PAAF1: variants seen among roughly 807,000 people sequenced by gnomAD.
The protein encoded by PAAF1 is proteasomal ATPase associated factor 1.
In PAAF1, 46 loss-of-function variants were observed where a neutral mutation model predicts 52.8. The observed-to-expected ratio is 0.87, with a 90% CI of 0.69 to 1.11. The LOEUF (loss-of-function observed/expected upper bound fraction) is 1.11, where lower values mean the gene tolerates loss of function less well. PAAF1 is among the 50% of genes most tolerant of loss of function. The pLI, the probability that PAAF1 is intolerant of heterozygous loss-of-function variation, is 0.00. For synonymous variants in PAAF1, 178 were observed against 172.8 expected (o/e 1.03, Z -0.24); for missense variants, 424 against 477.4 (o/e 0.89, Z 1.04).
intron 11 of PAAF1, among the ~76,000 whole-genome samples, chr11:73,926,258 C>T (rs1950353507): frequency 6.6e-6 from 1 of 152,186 alleles, no homozygotes; most frequent in African/African-American, 2.4e-5. Context: ...AGGCATGCGC[C>T]ACCACACCCG....
chr11:73,893,217 G>T (rs943168480), intron 4 of PAAF1, among the ~76,000 whole-genome samples: 1 of 152,182 alleles, frequency 6.6e-6, no homozygotes, highest in Non-Finnish European at 1.5e-5. Context: ...AAGTCATAGG[G>T]TGTGGGAATT....
intron 2 of PAAF1, among the ~76,000 whole-genome samples, chr11:73,884,803 C>A (rs547265598): frequency 2.0e-5 from 3 of 152,268 alleles, no homozygotes; most frequent in Non-Finnish European, 4.4e-5. Flanking sequence ...ACTGCTATTA[C>A]CAAACTGGTG....
At chr11:73,890,480 AC>A (rs1416900079) in intron 3 of PAAF1, among the ~76,000 whole-genome samples, 1 of 152,214 alleles carries the variant, frequency 6.6e-6, no homozygotes, top group African/African-American at 2.4e-5. Flanking sequence ...TAGCTGTGTT[AC>A]AACAACCAGT....
At chr11:73,898,195 A>C (rs1591074889) in intron 4 of PAAF1, among the ~76,000 whole-genome samples, 3 of 49,492 alleles carry the variant, frequency 6.1e-5, no homozygotes, top group East Asian at 1.2e-3. Flanking sequence ...GACCGTGGGG[A>C]GAGGGAGGGG....
intron 9 of PAAF1, 56 bp from the exon 10 acceptor site, chr11:73,918,894 G>A (rs1292218810): frequency 5.3e-6 from 7 of 1,330,012 alleles, no homozygotes; most frequent in Non-Finnish European, 5.4e-6. Flanking sequence ...GTTGAATATA[G>A]TCAAGTATTG....
chr11:73,889,049 G>A, intron 3 of PAAF1: 2 of 664,806 alleles, frequency 3.0e-6, no homozygotes, highest in Non-Finnish European at 5.3e-6. Context: ...AAGACAGACT[G>A]TATGCTGGAA....
chr11:73,879,119 C>A (rs3758930), intron 2 of PAAF1: 10,713 of 186,370 alleles, frequency 0.057, 334 homozygotes, highest in Middle Eastern at 0.1. Flanking sequence ...CTGGGACTTT[C>A]TTGATGATAA....
chr11:73,885,306 G>C (rs181621398), intron 2 of PAAF1, among the ~76,000 whole-genome samples: 3 of 151,436 alleles, frequency 2.0e-5, no homozygotes, highest in African/African-American at 2.4e-5. Flanking sequence ...ACCACACCTG[G>C]CTAATTTTTG....
At chr11:73,900,159 A>T in intron 5 of PAAF1, 111 bp from the exon 6 acceptor site, 6 of 1,157,654 alleles carry the variant, frequency 5.2e-6, no homozygotes, top group South Asian at 1.9e-5. Context: ...AAAACCCAGC[A>T]TGTGGGTTTA....
At chr11:73,916,800 G>C (rs1414389783) in intron 9 of PAAF1, 140 bp downstream of exon 9, 1 of 514,016 alleles carries the variant, frequency 1.9e-6, no homozygotes, top group African/African-American at 1.9e-5. Flanking sequence ...TTTCCAGTCT[G>C]AATTTTCTGA....
chr11:73,899,005 A>C lies in PAAF1; in HGVS notation c.283-141A>C, dbSNP rs533568855. On this transcript the variant is annotated intron_variant, in intron 4 of 11. Transcript: ENST00000310571. ...TTGGTGATGATAACTCAACCTTTACATCAAACACAAGTCCTTTTGTTGGGA... is the reference window on the plus strand; with the variant it reads ...TTGGTGATGATAACTCAACCTTTACCTCAAACACAAGTCCTTTTGTTGGGA... The C allele has an allele frequency of 9.8e-6, 6 of 611,682 alleles. No homozygotes were observed. In the East Asian group the frequency reaches 1.4e-4, roughly 15 times the overall value. The allele number at this position is 611,682 out of a possible 1,614,324, so 37.9% of individuals were successfully genotyped here. A position where few individuals can be genotyped will look rare whatever the true frequency, so the allele number is the denominator to read the frequency against.
chr11:73,893,106 C>T (rs1949242659), intron 4 of PAAF1, among the ~76,000 whole-genome samples: 1 of 152,052 alleles, frequency 6.6e-6, no homozygotes, highest in African/African-American at 2.4e-5. Flanking sequence ...TCAGGTGTTT[C>T]CAGTTTTGTG....
Position 73,914,406 on chromosome 11 carries a change from C to A in PAAF1, c.728-7C>A. On this transcript the variant is annotated splice_polypyrimidine_tract_variant and splice_region_variant and intron_variant, in intron 7 of 11. Coordinates refer to ENST00000310571, the MANE Select transcript of PAAF1 (RefSeq NM_025155.3). ...ACTGTTATTAACATAGTTTATTTGT[C>A]ATGCAGGTGAACGGGAGGTTGGAAC... 1 of 1,613,530 alleles carries A rather than the reference C, an allele frequency of 6.2e-7. No homozygotes were observed. Among genetic ancestry groups the A allele is most frequent in the South Asian group, 1.1e-5 (1 of 91,060 alleles).
At chr11:73,926,702 C>CT (rs1332911372) in intron 11 of PAAF1, among the ~76,000 whole-genome samples, 2 of 152,158 alleles carry the variant, frequency 1.3e-5, no homozygotes, top group Non-Finnish European at 2.9e-5. Context: ...GAGCAAGAGT[C>CT]TGTCTCAAAA....
Position 73,908,490 on chromosome 11 carries a change from G to A in PAAF1, c.533-909G>A, listed in dbSNP as rs192041383. ...AGCAATCATGGCTTACTGTAGCCTT[G>A]AACTCCAGGGCTCAAGCAATCCTCC... is the stretch of plus-strand genomic sequence containing the variant. On this transcript the variant is annotated intron_variant, in intron 6 of 11. Coordinates refer to ENST00000310571, the MANE Select transcript of PAAF1 (RefSeq NM_025155.3). 9.6e-3 allele frequency among the ~76,000 whole-genome samples: 1,442 copies of A among 150,896 alleles called. 22 individuals carry two copies. Among genetic ancestry groups the A allele is most frequent in the Middle Eastern group, 0.034 (10 of 290 alleles).
chr11:73,920,495 AT>A (rs1324396907), intron 10 of PAAF1, among the ~76,000 whole-genome samples: 1 of 151,996 alleles, frequency 6.6e-6, no homozygotes, highest in Non-Finnish European at 1.5e-5. Flanking sequence ...GTGCCACTGC[AT>A]TTCACCCTGG....
Position 73,909,590 on chromosome 11 carries a change from C to G in PAAF1, c.724C>G (p.Pro242Ala). Residue 242 changes from proline to alanine, a missense_variant, in exon 7 of 12, where the codon CCC becomes GCC. By Grantham distance (27) the Pro-to-Ala change is conservative (BLOSUM62 -1). Transcript: ENST00000310571. ...AAACCTTGGCTCCCCTGAGCAGATGCCCAGTAAGTTGATAATGATATGTAG... is the reference window on the plus strand; with the variant it reads ...AAACCTTGGCTCCCCTGAGCAGATGGCCAGTAAGTTGATAATGATATGTAG... ...SINLGSPEQM[P>A]SEREVGTEAK... 6.2e-7 allele frequency: 1 copy of G among 1,613,634 alleles called. No homozygotes were observed. The highest frequency in any genetic ancestry group is 8.5e-7 in the Non-Finnish European group (1 of 1,179,646).
chr11:73,889,356 A>C (rs1949142845), intron 3 of PAAF1: 2 of 615,072 alleles, frequency 3.3e-6, no homozygotes, highest in African/African-American at 3.8e-5. Context: ...ATTATGCTTA[A>C]ATGTCTAACC....
intron 2 of PAAF1, among the ~76,000 whole-genome samples, chr11:73,885,044 A>T (rs1266984487): frequency 6.6e-6 from 1 of 151,428 alleles, no homozygotes; most frequent in Non-Finnish European, 1.5e-5. Context: ...TATTTTTAGT[A>T]GAGACGGGGT....
Sources: allele counts gnomAD v4.1 joint callset (sites outside exome capture counted in the v4.1 genomes callset), GRCh38; gene constraint gnomAD v4.1.1; transcripts MANE v1.5; gene names NCBI Gene and HGNC (gene_info 2026-07-23, HGNC 2026-07-21).